The following TPM3 variants were observed in gnomAD, a reference collection of about 807,000 sequenced individuals.
TPM3 encodes tropomyosin alpha-3 chain.
In TPM3, 16 loss-of-function variants were observed where a neutral mutation model predicts 43.1. The observed-to-expected ratio is 0.37, with a 90% CI of 0.25 to 0.56. The LOEUF (loss-of-function observed/expected upper bound fraction) is 0.56, where lower values mean the gene tolerates loss of function less well. Ranked by LOEUF, TPM3 falls within the 20% of genes least tolerant of loss-of-function variation. The pLI is 0.77. For synonymous variants in TPM3, 101 were observed against 116.9 expected, an observed-to-expected ratio of 0.86 and a Z score of 0.88; for missense variants, 176 against 337.2, an observed-to-expected ratio of 0.52 and a Z score of 3.74.
intron 1 of TPM3, 84 bp from the exon 2 acceptor site, chr1:154,191,395 G>A (rs1663676200): frequency 4.4e-6 from 7 of 1,598,732 alleles, no homozygotes; most frequent in African/African-American, 1.3e-5. Flanking sequence ...AGCCCTGAGT[G>A]TAACCTCCAT....
chr1:154,182,938 C>T, intron 2 of TPM3: 2 of 1,608,864 alleles, frequency 1.2e-6, no homozygotes, highest in South Asian at 2.2e-5. Flanking sequence ...TTCCGCTTGC[C>T]GGATACTCCA....
At position 154,167,533 on chromosome 1, in the gene TPM3, C is replaced by T; in HGVS notation, c.*404G>A. On this transcript the variant is annotated 3_prime_UTR_variant, in exon 10 of 10. Transcript: ENST00000651641. The stretch of plus-strand genomic sequence containing the variant: ...TGAGGAGTATAACTAAAATTACTAT[C>T]CTGAGTAACCTGTACTAAATCCATC... The T allele has an allele frequency of 1.5e-5, 17 of 1,097,192 alleles. No individual in the cohort carries two copies. Among genetic ancestry groups the T allele is most frequent in the Non-Finnish European group, 1.9e-5 (17 of 897,688 alleles). The allele number at this position is 1,097,192 out of a possible 1,614,324, so 68.0% of individuals were successfully genotyped here. A position where few individuals can be genotyped will look rare whatever the true frequency, so the allele number is the denominator to read the frequency against.
intron 2 of TPM3, among the ~76,000 whole-genome samples, chr1:154,182,578 C>G (rs930987864): frequency 2.0e-5 from 3 of 152,182 alleles, no homozygotes; most frequent in Non-Finnish European, 4.4e-5. Flanking sequence ...AACAGAGAAG[C>G]ACCCACCCAC....
At chr1:154,175,317 C>T (rs1018903262) in intron 3 of TPM3, among the ~76,000 whole-genome samples, 5 of 121,662 alleles carry the variant, frequency 4.1e-5, no homozygotes, top group South Asian at 5.1e-4. Context: ...GGCTATAGAG[C>T]GAGACTCTGT....
chr1:154,178,391 A>C (rs558955558), intron 2 of TPM3, among the ~76,000 whole-genome samples: 1 of 152,328 alleles, frequency 6.6e-6, no homozygotes, highest in East Asian at 1.9e-4. Context: ...TCAAAAGCAG[A>C]ACCTGAGATG....
chr1:154,185,681 G>A (rs1663385146), intron 2 of TPM3, among the ~76,000 whole-genome samples: 1 of 150,204 alleles, frequency 6.7e-6, no homozygotes. Flanking sequence ...CTGCACTCCA[G>A]CCTGGGTGAC....
Position 154,167,946 on chromosome 1 carries a change from T to C in TPM3, c.855-6A>G. On this transcript the variant is annotated splice_region_variant and splice_polypyrimidine_tract_variant and intron_variant, in intron 9 of 9. Coordinates refer to ENST00000651641, the MANE Select transcript of TPM3 (RefSeq NM_152263.4). The stretch of plus-strand genomic sequence containing the variant: ...GCAGAAACGGTGATAATTATCTGTA[T>C]GAAAAAGTAAGGATACTCTAGGTGA... 2 of 1,613,628 alleles carry C rather than the reference T, an allele frequency of 1.2e-6. No homozygotes were observed. Among genetic ancestry groups the C allele is most frequent in the Non-Finnish European group, 8.5e-7 (1 of 1,179,912 alleles).
In TPM3 at chr1:154,163,620, A is replaced by T. The variant is rs1055924570; in HGVS notation, c.*4317T>A. Reference sequence around the variant, plus strand: ...AGTTCCATTTGGTTCCTCCTCTTACATAACGTTTTCCTCATTGTTTAATTT... The same window carrying T: ...AGTTCCATTTGGTTCCTCCTCTTACTTAACGTTTTCCTCATTGTTTAATTT... On this transcript the variant is annotated 3_prime_UTR_variant, in exon 10 of 10. Transcript: ENST00000651641. Among the ~76,000 whole-genome samples, 2 of 151,850 alleles carry T rather than the reference A, an allele frequency of 1.3e-5. No individual in the cohort carries two copies. The highest frequency in any genetic ancestry group is 3.9e-4 in the East Asian group (2 of 5,176).
chr1:154,187,362 G>A (rs1298603415), intron 2 of TPM3: 7 of 984,632 alleles, frequency 7.1e-6, no homozygotes, highest in Non-Finnish European at 8.4e-6. Flanking sequence ...CTTTCTTCTT[G>A]CTTGCTCCTG....
intron 2 of TPM3, among the ~76,000 whole-genome samples, chr1:154,185,163 G>A (rs1663351842): frequency 6.6e-6 from 1 of 151,478 alleles, no homozygotes; most frequent in Non-Finnish European, 1.5e-5. Context: ...CCTGAGGTCA[G>A]GAGTTTGAGA....
chr1:154,190,343 A>G (rs559482452), intron 2 of TPM3, among the ~76,000 whole-genome samples: 29 of 152,346 alleles, frequency 1.9e-4, no homozygotes, highest in African/African-American at 7.0e-4. Flanking sequence ...TGTTGTTGGT[A>G]AGATTCCTAT....
At chr1:154,158,947 G>T, downstream of TPM3, 1 of 779,718 alleles carries the variant, frequency 1.3e-6, no homozygotes, top group South Asian at 1.3e-5. Context: ...TCAGTTTAAT[G>T]GGCATCATTG....
intron 2 of TPM3, chr1:154,183,175 G>C: frequency 6.3e-7 from 1 of 1,596,140 alleles, no homozygotes; most frequent in Non-Finnish European, 8.5e-7. Context: ...GCTCGGCGTT[G>C]CAGCCTCCTC....
intron 2 of TPM3, among the ~76,000 whole-genome samples, chr1:154,180,523 T>A (rs1571433428): frequency 6.6e-6 from 1 of 152,174 alleles, no homozygotes; most frequent in East Asian, 1.9e-4. Flanking sequence ...AATATTTAAC[T>A]ATAACTCTAC....
chr1:154,186,813 C>T (rs1663431542), intron 2 of TPM3, among the ~76,000 whole-genome samples: 1 of 151,644 alleles, frequency 6.6e-6, no homozygotes, highest in African/African-American at 2.4e-5. Context: ...AAAGTTTGGA[C>T]TCGCCTTGCC....
chr1:154,163,217 A>G lies in TPM3; in HGVS notation c.*4720T>C, dbSNP rs1660565901. ...AATATAATAGCCACTAGCCACAGGT[A>G]GCCAAATTTAAATGAACTACAATGA... is the stretch of plus-strand genomic sequence containing the variant. On this transcript the variant is annotated 3_prime_UTR_variant, in exon 10 of 10. Coordinates refer to ENST00000651641, the MANE Select transcript of TPM3 (RefSeq NM_152263.4). 6.6e-6 allele frequency among the ~76,000 whole-genome samples: 1 copy of G among 152,234 alleles called. No individual in the cohort carries two copies. The highest frequency in any genetic ancestry group is 2.4e-5 in the African/African-American group (1 of 41,458).
chr1:154,167,498 T>C lies in TPM3; in HGVS notation c.*439A>G. 4.6e-6 allele frequency: 5 copies of C among 1,081,748 alleles called. No homozygotes were observed. Among genetic ancestry groups the C allele is most frequent in the Non-Finnish European group, 5.6e-6 (5 of 887,926 alleles). The allele number at this position is 1,081,748 out of a possible 1,614,324, so 67.0% of individuals were successfully genotyped here. ...GAACCTGGAAATAAGGAATTTAATC[T>C]TGTTCAGCTTGAGGAGTATAACTAA... On this transcript the variant is annotated 3_prime_UTR_variant, in exon 10 of 10. Coordinates refer to ENST00000651641, the MANE Select transcript of TPM3 (RefSeq NM_152263.4).
intron 1 of TPM3, 200 bp downstream of exon 1, chr1:154,191,702 C>T (rs567331379): frequency 6.6e-7 from 1 of 1,508,792 alleles, no homozygotes; most frequent in South Asian, 1.3e-5. Flanking sequence ...CATACTGTGG[C>T]TCACTGACTT....
In TPM3 at chr1:154,162,741, T is replaced by G. The variant is rs1660514137; in HGVS notation, c.*5196A>C. Among the ~76,000 whole-genome samples, 1 of 152,176 alleles carries G rather than the reference T, an allele frequency of 6.6e-6. No individual in the cohort carries two copies. The highest frequency in any genetic ancestry group is 1.5e-5 in the Non-Finnish European group (1 of 68,030). On this transcript the variant is annotated 3_prime_UTR_variant, in exon 10 of 10. Transcript: ENST00000651641. ...ATTAAGCCTTAAACAAAGGAATGAATTTAGCATTAGCACTAATTACATAGT... is the reference window on the plus strand; with the variant it reads ...ATTAAGCCTTAAACAAAGGAATGAAGTTAGCATTAGCACTAATTACATAGT...
Sources: gnomAD v4.1 joint callset for allele counts (sites outside exome capture counted in the v4.1 genomes callset) on GRCh38, gnomAD v4.1.1 for gene constraint, MANE v1.5 for transcripts, NCBI Gene and HGNC (gene_info 2026-07-23, HGNC 2026-07-21) for gene names.